NGEF: variants seen among roughly 807,000 people sequenced by gnomAD.
NGEF encodes the protein neuronal guanine nucleotide exchange factor, also known as ephexin-1.
Under a neutral mutation model 80.9 loss-of-function variants are expected in NGEF, and 31 were observed. The ratio of observed to expected loss-of-function variants is 0.38; its 90% CI spans 0.29 to 0.52. The LOEUF is 0.52. NGEF is among the 20% of genes least tolerant of loss of function. The pLI, the probability that NGEF is intolerant of heterozygous loss-of-function variation, is 0.84. For missense variants in NGEF, 709 were observed against 926.2 expected (o/e 0.77, Z 3.04); for synonymous variants, 371 against 370.2 (o/e 1.00, Z -0.03).
chr2:232,984,272 T>TG (rs1694492734), intron 1 of NGEF, among the ~76,000 whole-genome samples: 1 of 151,382 alleles, frequency 6.6e-6, no homozygotes, highest in Non-Finnish European at 1.5e-5. Context: ...TTTTTTTTTT[T>TG]GTAGGGGTGG....
chr2:232,958,923 G>A (rs1345040319), intron 3 of NGEF, among the ~76,000 whole-genome samples: 3 of 151,978 alleles, frequency 2.0e-5, no homozygotes, highest in Non-Finnish European at 2.9e-5. Flanking sequence ...AATCCCAGAC[G>A]TCATATCACT....
chr2:232,951,792 C>T (rs1008964134), intron 3 of NGEF, among the ~76,000 whole-genome samples: 2 of 152,168 alleles, frequency 1.3e-5, no homozygotes, highest in African/African-American at 4.8e-5. Context: ...AGTAATTTCT[C>T]CCATGGGTTC....
chr2:232,912,350 C>T (rs1471409585), intron 5 of NGEF, among the ~76,000 whole-genome samples: 1 of 151,986 alleles, frequency 6.6e-6, no homozygotes, highest in African/African-American at 2.4e-5. Flanking sequence ...CCTTGCATTC[C>T]CAGGATGAAC....
At chr2:232,963,094 A>T (rs895290879) in intron 3 of NGEF, among the ~76,000 whole-genome samples, 1 of 151,960 alleles carries the variant, frequency 6.6e-6, no homozygotes, top group Admixed American at 6.6e-5. Flanking sequence ...AATAGTCAAG[A>T]CTATATTTAA....
rs546248814 is a variant in NGEF at position 232,928,772 on chromosome 2, G to A, written c.384-1586C>T. ...ACCCTGGCGGGTCTGGGATGGGTTC[G>A]GGGGCACCAGAGGAGGAGAAACCAA... On this transcript the variant is annotated intron_variant, in intron 3 of 14. Coordinates refer to ENST00000264051, the MANE Select transcript of NGEF (RefSeq NM_019850.3). 9.2e-5 allele frequency among the ~76,000 whole-genome samples: 14 copies of A among 152,314 alleles called. No homozygotes were observed. The South Asian group carries it at 2.5e-3, about 27-fold the overall frequency.
At chr2:232,993,722 G>A (rs770135453) in intron 1 of NGEF, among the ~76,000 whole-genome samples, 4 of 152,220 alleles carry the variant, frequency 2.6e-5, no homozygotes, top group Non-Finnish European at 5.9e-5. Flanking sequence ...TCCTTACAGT[G>A]AAAGATTATT....
At chr2:232,888,713 G>T (rs1323849746) in intron 8 of NGEF, among the ~76,000 whole-genome samples, 1 of 152,212 alleles carries the variant, frequency 6.6e-6, no homozygotes, top group African/African-American at 2.4e-5. Flanking sequence ...ACGGGACAGG[G>T]GTAGGGGGAC....
At chr2:232,900,232 A>T (rs1187872913) in intron 5 of NGEF, among the ~76,000 whole-genome samples, 11 of 138,936 alleles carry the variant, frequency 7.9e-5, no homozygotes, top group East Asian at 4.5e-4. Flanking sequence ...TCACATTCAC[A>T]CACACACGCT....
chr2:232,977,670 T>C (rs1212138953), intron 1 of NGEF, among the ~76,000 whole-genome samples: 3 of 152,142 alleles, frequency 2.0e-5, no homozygotes, highest in African/African-American at 7.2e-5. Flanking sequence ...CATTGTGTTT[T>C]GGTGCCAGTC....
chr2:232,937,886 T>A (rs1693359881), intron 3 of NGEF, among the ~76,000 whole-genome samples: 1 of 152,182 alleles, frequency 6.6e-6, no homozygotes, highest in South Asian at 2.1e-4. Context: ...CTAGTTATGA[T>A]CTGTCTGTGT....
At chr2:232,909,355 C>G (rs1360153059) in intron 5 of NGEF, among the ~76,000 whole-genome samples, 1 of 152,120 alleles carries the variant, frequency 6.6e-6, no homozygotes, top group East Asian at 1.9e-4. Flanking sequence ...ATTAAACTAT[C>G]TTTGCATTAA....
chr2:232,939,753 T>G (rs1406909252), intron 3 of NGEF, among the ~76,000 whole-genome samples: 1 of 152,078 alleles, frequency 6.6e-6, no homozygotes, highest in East Asian at 1.9e-4. Flanking sequence ...ATCCCAGCAC[T>G]TTGGGAGAAT....
intron 3 of NGEF, among the ~76,000 whole-genome samples, chr2:232,955,093 T>A (rs546073708): frequency 6.6e-6 from 1 of 152,312 alleles, no homozygotes; most frequent in South Asian, 2.1e-4. Context: ...TAAGGTCAAG[T>A]CTGGGAGTCT....
intron 5 of NGEF, among the ~76,000 whole-genome samples, chr2:232,919,368 G>GGAGT (rs1256982412): frequency 9.2e-5 from 14 of 152,172 alleles, no homozygotes; most frequent in African/African-American, 1.4e-4. Flanking sequence ...GAGTGCGGTG[G>GGAGT]GAGTGAGACG....
intron 1 of NGEF, among the ~76,000 whole-genome samples, chr2:232,976,200 C>CA (rs1252019992): frequency 2.6e-5 from 4 of 152,088 alleles, no homozygotes; most frequent in South Asian, 4.1e-4. Context: ...GACTCCATCT[C>CA]AAAAAAACCC....
chr2:232,972,114 T>G (rs1040850772), intron 2 of NGEF, among the ~76,000 whole-genome samples: 1 of 152,206 alleles, frequency 6.6e-6, no homozygotes, highest in African/African-American at 2.4e-5. Flanking sequence ...GTTGGGAAAC[T>G]TTTAAGGGTA....
At position 232,883,328 on chromosome 2, in the gene NGEF, C is replaced by T. The variant is rs1691575701; in HGVS notation, c.1740G>A (p.Met580Ile). Residue 580 changes from methionine (M) to isoleucine (I), a missense_variant, in exon 12 of 15, where the codon ATG becomes ATA. Coordinates refer to ENST00000264051, the MANE Select transcript of NGEF (RefSeq NM_019850.3). Reference sequence around the variant, plus strand: ...GCACTCACTGAGAGGACGCCTTTAGCATGTAGGTGGCCTCCCGGTCATCTG... The same window carrying T: ...GCACTCACTGAGAGGACGCCTTTAGTATGTAGGTGGCCTCCCGGTCATCTG... ...ENADDREATY[M>I]LKASSQSEMK... The T allele has an allele frequency of 6.2e-7, 1 of 1,608,296 alleles. No individual in the cohort carries two copies.
intron 3 of NGEF, among the ~76,000 whole-genome samples, chr2:232,939,642 A>G (rs1260445646): frequency 2.3e-4 from 35 of 152,224 alleles, no homozygotes; most frequent in Non-Finnish European, 4.4e-5. Flanking sequence ...AGAAACAACT[A>G]CCTCACCCTT....
At chr2:232,968,546 AG>A (rs1439008832) in intron 3 of NGEF, among the ~76,000 whole-genome samples, 6 of 151,990 alleles carry the variant, frequency 3.9e-5, no homozygotes, top group African/African-American at 1.2e-4. Context: ...ACTGGACTAC[AG>A]GCATGCACCA....
Sources: allele counts gnomAD v4.1 joint callset (sites outside exome capture counted in the v4.1 genomes callset), GRCh38; gene constraint gnomAD v4.1.1; transcripts MANE v1.5; gene names NCBI Gene and HGNC (gene_info 2026-07-23, HGNC 2026-07-21).